PDE4D: variants seen among roughly 807,000 people sequenced by gnomAD.
PDE4D encodes phosphodiesterase 4D, also known as 3',5'-cyclic-AMP phosphodiesterase 4D.
PDE4D carries 24 observed loss-of-function variants against 87.4 expected under a neutral mutation model. That is an observed-to-expected ratio of 0.27 (90% CI 0.20 to 0.39). The LOEUF is 0.39. Ranked by LOEUF, PDE4D falls within the 10% of genes least tolerant of loss-of-function variation. PDE4D has a pLI of 1.00. For synonymous variants in PDE4D, 384 were observed against 383.2 expected (o/e 1.00, Z -0.02); for missense variants, 714 against 1,041.0 (o/e 0.69, Z 4.32).
In PDE4D at chr5:59,774,710, C is replaced by A. The variant is rs199557790; in HGVS notation, c.455+118458G>T. Reference sequence around the variant, plus strand: ...TTTTCTTTTTTTTTTTTTTCTGAGACACAGTCCGGCTTTGTTGTCCAGGCT... The same window carrying A: ...TTTTCTTTTTTTTTTTTTTCTGAGAAACAGTCCGGCTTTGTTGTCCAGGCT... On this transcript the variant is annotated intron_variant, in intron 1 of 14. Transcript: ENST00000340635. Among the ~76,000 whole-genome samples the A allele has an allele frequency of 5.7e-5, 8 of 140,614 alleles. No individual in the cohort carries two copies. The East Asian group carries it at 1.2e-3, about 21-fold the overall frequency. The allele number at this position is 140,614 out of a possible 152,430, so 92.2% of individuals were successfully genotyped here.
At chr5:59,407,098 T>A (rs994716618) in intron 1 of PDE4D, among the ~76,000 whole-genome samples, 1 of 152,212 alleles carries the variant, frequency 6.6e-6, no homozygotes, top group Admixed American at 6.5e-5. Context: ...AATTCTCATG[T>A]TGAGATGTAA....
intron 1 of PDE4D, among the ~76,000 whole-genome samples, chr5:59,419,655 C>T (rs944069902): frequency 3.9e-5 from 6 of 152,126 alleles, no homozygotes; most frequent in African/African-American, 1.4e-4. Flanking sequence ...GTTTCCTGTA[C>T]AACAGTTTTT....
At chr5:59,900,945 T>C (rs891140718) in intron 3 of PDE4D, among the ~76,000 whole-genome samples, 3 of 152,264 alleles carry the variant, frequency 2.0e-5, no homozygotes, top group African/African-American at 7.2e-5. Flanking sequence ...TAGGTAGGCA[T>C]TGGTAAGGCA....
intron 1 of PDE4D, among the ~76,000 whole-genome samples, chr5:60,510,647 C>T (rs183151188): frequency 8.5e-5 from 13 of 152,216 alleles, no homozygotes; most frequent in South Asian, 4.1e-4. Flanking sequence ...GGCAAGAGTA[C>T]GGAGGGCCTT....
intron 2 of PDE4D, among the ~76,000 whole-genome samples, chr5:60,105,148 A>C (rs1776733368): frequency 6.6e-6 from 1 of 152,230 alleles, no homozygotes; most frequent in South Asian, 2.1e-4. Flanking sequence ...TAGAATAACC[A>C]ATACAGAGAA....
chr5:59,885,098 C>A (rs185176123), intron 1 of PDE4D, among the ~76,000 whole-genome samples: 4 of 151,836 alleles, frequency 2.6e-5, no homozygotes, highest in Non-Finnish European at 5.9e-5. Flanking sequence ...CCTTTTCTCA[C>A]TGATTTGGAC....
rs145406712 is a variant in PDE4D, at chr5:59,104,449, G to A, written c.809-65478C>T. On this transcript the variant is annotated intron_variant, in intron 5 of 14. Coordinates refer to ENST00000340635, the MANE Select transcript of PDE4D (RefSeq NM_001104631.2). ...TCAAACTAACATGATTATACGAATCGCAGGCTAGTAGTTAAAAGCGTAAGC... is the reference window on the plus strand; with the variant it reads ...TCAAACTAACATGATTATACGAATCACAGGCTAGTAGTTAAAAGCGTAAGC... Among the ~76,000 whole-genome samples, 451 of 152,274 alleles carry A rather than the reference G, an allele frequency of 3.0e-3. 2 individuals carry two copies. Among genetic ancestry groups the A allele is most frequent in the South Asian group, 0.012 (58 of 4,826 alleles).
At chr5:59,100,858 T>G (rs1218460994) in intron 5 of PDE4D, among the ~76,000 whole-genome samples, 3 of 152,194 alleles carry the variant, frequency 2.0e-5, no homozygotes, top group Non-Finnish European at 2.9e-5. Flanking sequence ...AATATCTCTC[T>G]TTTTGAAAAC....
intron 6 of PDE4D, chr5:58,999,654 T>C: frequency 8.8e-7 from 1 of 1,131,562 alleles, no homozygotes; most frequent in East Asian, 4.6e-5. Flanking sequence ...GAGTATGAGT[T>C]TTTAAAGATT....
intron 1 of PDE4D, among the ~76,000 whole-genome samples, chr5:59,886,288 C>T (rs1039495158): frequency 6.6e-6 from 1 of 152,038 alleles, no homozygotes; most frequent in African/African-American, 2.4e-5. Flanking sequence ...GAGATCGAGG[C>T]AGATGGATGA....
chr5:60,484,738 T>G (rs6889130), intron 1 of PDE4D, among the ~76,000 whole-genome samples: 6,061 of 152,218 alleles, frequency 0.04, 142 homozygotes, highest in Middle Eastern at 0.088. Flanking sequence ...TTTCTTTGCT[T>G]CAAAAGTTTT....
chr5:60,005,686 A>C (rs1764406005), intron 2 of PDE4D, among the ~76,000 whole-genome samples: 1 of 152,022 alleles, frequency 6.6e-6, no homozygotes. Flanking sequence ...ATCCTCTCAA[A>C]ATAATAAAAC....
At chr5:58,981,839 G>C (rs78203354) in intron 11 of PDE4D, among the ~76,000 whole-genome samples, 6,405 of 152,186 alleles carry the variant, frequency 0.042, 423 homozygotes, top group African/African-American at 0.14. Flanking sequence ...ACAGGGCATG[G>C]TTAATACTAA....
intron 1 of PDE4D, among the ~76,000 whole-genome samples, chr5:59,363,550 T>C (rs570552826): frequency 5.9e-5 from 9 of 152,322 alleles, no homozygotes; most frequent in Admixed American, 5.2e-4. Flanking sequence ...TTTTGAACTT[T>C]CACAGGAAAA....
At chr5:59,879,173 T>C (rs1749076215) in intron 1 of PDE4D, among the ~76,000 whole-genome samples, 1 of 152,190 alleles carries the variant, frequency 6.6e-6, no homozygotes, top group Non-Finnish European at 1.5e-5. Context: ...GTGCTGGGAT[T>C]ACAGGCGTGA....
chr5:59,695,783 A>AT (rs1751693819), intron 1 of PDE4D, among the ~76,000 whole-genome samples: 1 of 151,780 alleles, frequency 6.6e-6, no homozygotes, highest in Non-Finnish European at 1.5e-5. Context: ...TTGTTGTTGT[A>AT]TTTTTTGTAG....
intron 1 of PDE4D, among the ~76,000 whole-genome samples, chr5:59,691,994 A>G (rs1025081864): frequency 1.3e-5 from 2 of 152,120 alleles, no homozygotes; most frequent in Non-Finnish European, 2.9e-5. Context: ...TAAATTGGCT[A>G]TAAGTAGGTC....
At chr5:59,641,488 C>T (rs1741576148) in intron 1 of PDE4D, among the ~76,000 whole-genome samples, 1 of 152,148 alleles carries the variant, frequency 6.6e-6, no homozygotes, top group Non-Finnish European at 1.5e-5. Flanking sequence ...CAAATTCTTT[C>T]CAGCTTTTCT....
At chr5:59,978,462 T>C (rs976412934) in intron 3 of PDE4D, among the ~76,000 whole-genome samples, 8 of 152,194 alleles carry the variant, frequency 5.3e-5, no homozygotes, top group African/African-American at 1.7e-4. Flanking sequence ...CCTGAAGTTG[T>C]AATGAAATTA....
Sources: gnomAD v4.1 joint callset for allele counts (sites outside exome capture counted in the v4.1 genomes callset) on GRCh38, gnomAD v4.1.1 for gene constraint, MANE v1.5 for transcripts, NCBI Gene and HGNC (gene_info 2026-07-23, HGNC 2026-07-21) for gene names.